KDM4C: variants seen among roughly 807,000 people sequenced by gnomAD.
KDM4C encodes the protein lysine demethylase 4C, also known as lysine-specific demethylase 4C.
A neutral mutation model predicts 129.3 loss-of-function variants in KDM4C; 81 were observed. The ratio of observed to expected loss-of-function variants is 0.63; its 90% CI spans 0.52 to 0.75. The LOEUF is 0.75. Ranked by LOEUF, KDM4C falls within the 30% of genes least tolerant of loss-of-function variation. The probability of loss-of-function intolerance (pLI) is 0.00; values close to 1 mark genes in which losing one functional copy is unlikely to be tolerated. For synonymous variants in KDM4C, 573 were observed against 456.1 expected (o/e 1.26, Z -3.26); for missense variants, 1,457 against 1,304.0 (o/e 1.12, Z -1.81).
At chr9:6,874,716 G>T (rs1229797878) in intron 5 of KDM4C, among the ~76,000 whole-genome samples, 1 of 152,078 alleles carries the variant, frequency 6.6e-6, no homozygotes, top group Non-Finnish European at 1.5e-5. Context: ...TGTGGACTTC[G>T]TAGGCAACAT....
At chr9:7,001,031 T>C (rs934357125) in intron 12 of KDM4C, among the ~76,000 whole-genome samples, 2 of 152,222 alleles carry the variant, frequency 1.3e-5, no homozygotes, top group Non-Finnish European at 2.9e-5. Context: ...TTAAGTAACA[T>C]GTCCAAGACT....
intron 19 of KDM4C, among the ~76,000 whole-genome samples, chr9:7,129,651 T>C (rs576043974): frequency 4.5e-4 from 68 of 152,100 alleles, no homozygotes; most frequent in African/African-American, 1.4e-3. Context: ...TGGTGGGAGG[T>C]AGGCGGGTAA....
intron 5 of KDM4C, among the ~76,000 whole-genome samples, chr9:6,863,487 C>G (rs767044442): frequency 6.6e-6 from 1 of 152,012 alleles, no homozygotes; most frequent in Admixed American, 6.6e-5. Flanking sequence ...CCAGCATGTA[C>G]AGAGATCACA....
At chr9:7,090,653 C>T (rs111363159) in intron 17 of KDM4C, among the ~76,000 whole-genome samples, 1 of 152,148 alleles carries the variant, frequency 6.6e-6, no homozygotes, top group Non-Finnish European at 1.5e-5. Context: ...ATGACCTCCC[C>T]ATAGAAGGTT....
intron 8 of KDM4C, among the ~76,000 whole-genome samples, chr9:6,897,405 T>C (rs1816642828): frequency 6.6e-6 from 1 of 152,232 alleles, no homozygotes; most frequent in Non-Finnish European, 1.5e-5. Flanking sequence ...AGGATCATTC[T>C]GCTCTCTTGT....
At chr9:7,082,869 G>A (rs1297495691) in intron 17 of KDM4C, among the ~76,000 whole-genome samples, 1 of 152,148 alleles carries the variant, frequency 6.6e-6, no homozygotes, top group Non-Finnish European at 1.5e-5. Flanking sequence ...AAAAAAAATT[G>A]TCAGATTTAG....
chr9:6,725,615 G>A (rs1425514173), intron 1 of KDM4C, among the ~76,000 whole-genome samples: 2 of 151,724 alleles, frequency 1.3e-5, no homozygotes, highest in East Asian at 1.9e-4. Flanking sequence ...AGCCTCCCAA[G>A]TAGCTGGGAT....
chr9:6,806,951 G>C (rs62568038), intron 3 of KDM4C, among the ~76,000 whole-genome samples: 2 of 148,928 alleles, frequency 1.3e-5, no homozygotes, highest in Admixed American at 6.7e-5. Context: ...CATGCGGAGC[G>C]GAAGCTGGAC....
intron 1 of KDM4C, among the ~76,000 whole-genome samples, chr9:6,749,855 G>A (rs1818011165): frequency 6.6e-6 from 1 of 151,508 alleles, no homozygotes; most frequent in South Asian, 2.1e-4. Flanking sequence ...GTGTGGTGGT[G>A]CATGCCTGTA....
chr9:6,862,839 CAAAAAACA>C (rs1841198667), intron 5 of KDM4C, among the ~76,000 whole-genome samples: 1 of 149,102 alleles, frequency 6.7e-6, no homozygotes, highest in African/African-American at 2.5e-5. Context: ...AACAAACAAA[CAAAAAACA>C]AAAAAAAATT....
At chr9:6,732,014 G>T (rs981220326) in intron 1 of KDM4C, among the ~76,000 whole-genome samples, 2 of 152,042 alleles carry the variant, frequency 1.3e-5, no homozygotes, top group African/African-American at 4.8e-5. Flanking sequence ...CAACAGTTTG[G>T]AGTATGTTCC....
chr9:6,863,174 C>T (rs905183599), intron 5 of KDM4C, among the ~76,000 whole-genome samples: 3 of 152,004 alleles, frequency 2.0e-5, no homozygotes, highest in South Asian at 2.1e-4. Context: ...AACTCCCCCC[C>T]ACCCCATGTT....
At chr9:6,858,779 C>G (rs1456194409) in intron 5 of KDM4C, among the ~76,000 whole-genome samples, 1 of 134,554 alleles carries the variant, frequency 7.4e-6, no homozygotes, top group Non-Finnish European at 1.6e-5. Context: ...CCCCCCCCGG[C>G]AAAAAAAAAA....
intron 2 of KDM4C, among the ~76,000 whole-genome samples, chr9:6,800,011 C>T (rs1828628509): frequency 6.6e-6 from 1 of 151,626 alleles, no homozygotes; most frequent in South Asian, 2.1e-4. Context: ...TTGCTTGAGC[C>T]CATGAGTTCG....
intron 12 of KDM4C, among the ~76,000 whole-genome samples, chr9:7,005,397 T>C (rs1359149214): frequency 6.9e-6 from 1 of 144,138 alleles, no homozygotes; most frequent in Non-Finnish European, 1.5e-5. Flanking sequence ...ATCAAGCCGT[T>C]GCACTCCAGC....
At chr9:6,953,627 A>G (rs1003070623) in intron 8 of KDM4C, among the ~76,000 whole-genome samples, 2 of 152,158 alleles carry the variant, frequency 1.3e-5, no homozygotes, top group African/African-American at 4.8e-5. Context: ...TCAGTGTACC[A>G]TGTTATACAA....
chr9:7,137,500 A>C (rs2224762), intron 19 of KDM4C, among the ~76,000 whole-genome samples: 66,323 of 152,108 alleles, frequency 0.44, 16,210 homozygotes, highest in Non-Finnish European at 0.55. Flanking sequence ...TATGATGCAA[A>C]ATTTTACACT....
At chr9:7,145,648 G>A (rs902754578) in intron 19 of KDM4C, among the ~76,000 whole-genome samples, 2 of 152,230 alleles carry the variant, frequency 1.3e-5, no homozygotes, top group African/African-American at 4.8e-5. Context: ...GGAAGCAAGG[G>A]CTTCTTTCTG....
chr9:6,760,167 T>C (rs189348115), intron 1 of KDM4C, among the ~76,000 whole-genome samples: 20 of 151,982 alleles, frequency 1.3e-4, no homozygotes, highest in African/African-American at 4.6e-4. Context: ...TCAATAGATT[T>C]GGCTATTCTG....
Sources: gnomAD v4.1 joint callset for allele counts (sites outside exome capture counted in the v4.1 genomes callset) on GRCh38, gnomAD v4.1.1 for gene constraint, MANE v1.5 for transcripts, NCBI Gene and HGNC (gene_info 2026-07-23, HGNC 2026-07-21) for gene names.